The following LCT variants were observed in gnomAD, a reference collection of about 807,000 sequenced individuals.
LCT encodes lactase/phlorizin hydrolase.
In LCT, 90 loss-of-function variants were observed where a neutral mutation model predicts 173.0. That is an observed-to-expected ratio of 0.52 (90% CI 0.44 to 0.62). The LOEUF is 0.62. LCT is among the 20% of genes least tolerant of loss of function. The pLI, the probability that LCT is intolerant of heterozygous loss-of-function variation, is 0.00. For synonymous variants in LCT, 853 were observed against 957.6 expected (o/e 0.89, Z 2.02); for missense variants, 1,864 against 2,431.4 (o/e 0.77, Z 4.91).
chr2:135,799,570 C>G (rs1424291074), intron 12 of LCT, among the ~76,000 whole-genome samples: 1 of 151,942 alleles, frequency 6.6e-6, no homozygotes, highest in African/African-American at 2.4e-5. Flanking sequence ...CTGCCTTAGC[C>G]TCCAGAGTAG....
At position 135,817,773 on chromosome 2, in the gene LCT, C is replaced by T. The variant is rs777422944; in HGVS notation, c.1275G>A (p.Thr425=). ...GGTAACTGTCGCTGGCCACCTCCAG[C>T]GTCGCTTGGCCCTCAGTGGTGTTCA... ...RPLNTTEGQA[T]LEVASDSYHK... is the part of the protein sequence containing the mutation. The change falls in exon 6 of 17, where the codon ACG becomes ACA. Residue 425 remains threonine, a synonymous_variant. Coordinates refer to ENST00000264162, the MANE Select transcript of LCT (RefSeq NM_002299.4). The T allele has an allele frequency of 6.2e-6, 10 of 1,613,846 alleles. No homozygotes were observed. Among genetic ancestry groups the T allele is most frequent in the African/African-American group, 2.7e-5 (2 of 74,930 alleles).
At position 135,804,827 on chromosome 2, in the gene LCT, CG is replaced by C. The variant is rs2077656419; in HGVS notation, c.4403del (p.Ala1468GlyfsTer3). ...TGAGCCTCACGTAGTAGTTCAGGCC[CG>C]CTTCATTGATGTACCTGGTGGTTCC... ...PDGTTRYINE[A>X]GLNYYVRLID... On this transcript the variant is annotated frameshift_variant, in exon 10 of 17. Transcript: ENST00000264162. LOFTEE classifies it high-confidence loss of function. 6.2e-7 allele frequency: 1 copy of C among 1,613,740 alleles called. No homozygotes were observed. Among genetic ancestry groups the C allele is most frequent in the Non-Finnish European group, 8.5e-7 (1 of 1,180,042 alleles).
rs755767001 is a variant in LCT, at chr2:135,812,723, G to A, written c.1941C>T (p.Thr647=). Reference sequence around the variant, plus strand: ...ACTGTCTGTTCATCTGTTGGATCTGGGTCCTCAGGGTGGCTGGGTAGTCTC... The same window carrying A: ...ACTGTCTGTTCATCTGTTGGATCTGAGTCCTCAGGGTGGCTGGGTAGTCTC... The part of the protein sequence containing the change: ...VDGDYPATLR[T]QIQQMNRQCS... Residue 647 remains threonine (T), a synonymous_variant, in exon 7 of 17, where the codon ACC becomes ACT. Coordinates refer to ENST00000264162, the MANE Select transcript of LCT (RefSeq NM_002299.4). 1 of 1,614,194 alleles carries A rather than the reference G, an allele frequency of 6.2e-7. No individual in the cohort carries two copies. Among genetic ancestry groups the A allele is most frequent in the East Asian group, 2.2e-5 (1 of 44,888 alleles).
intron 3 of LCT, among the ~76,000 whole-genome samples, chr2:135,824,657 G>A (rs2077868729): frequency 1.3e-5 from 2 of 152,090 alleles, no homozygotes; most frequent in African/African-American, 4.8e-5. Flanking sequence ...GGCTTCGTAG[G>A]GGTTCATCAT....
chr2:135,816,724 C>G (rs1024144461), intron 6 of LCT, among the ~76,000 whole-genome samples: 2 of 152,212 alleles, frequency 1.3e-5, no homozygotes, highest in Non-Finnish European at 2.9e-5. Context: ...CTGACTTCCA[C>G]CTGGCTACTC....
In LCT at chr2:135,800,708, T is replaced by G. The variant is rs1164743683; in HGVS notation, c.4765A>C (p.Ser1589Arg). The change falls in exon 12 of 17, where the codon AGT becomes CGT. Residue 1589 changes from serine (S) to arginine (R), a missense_variant. By Grantham distance (110) the Ser-to-Arg change is moderately radical. This residue lies in a region of LCT where 514 missense variants were observed against 750.1 expected (regional missense o/e 0.69). Coordinates refer to ENST00000264162, the MANE Select transcript of LCT (RefSeq NM_002299.4). ...WHLYNDVYRA[S>R]QGGVISITIS... ...GTGATGGAAATCACGCCACCTTGAC[T>G]GGCGCGGTACACATCGTTGTACAGA... 6.2e-7 allele frequency: 1 copy of G among 1,614,064 alleles called. No individual in the cohort carries two copies. Among genetic ancestry groups the G allele is most frequent in the Non-Finnish European group, 8.5e-7 (1 of 1,180,032 alleles).
intron 1 of LCT, 81 bp from the exon 2 acceptor site, chr2:135,833,271 C>T: frequency 3.2e-6 from 3 of 933,218 alleles, no homozygotes; most frequent in Non-Finnish European, 3.6e-6. Context: ...GGATTCATTT[C>T]CTATGGACCT....
At position 135,788,687 on chromosome 2, in the gene LCT, T is replaced by G. The variant is rs2105515670; in HGVS notation, c.5564-143A>C. The G allele has an allele frequency of 4.3e-6, 3 of 701,716 alleles. No homozygotes were observed. In the East Asian group the frequency reaches 8.0e-5, roughly 19 times the overall value. The allele number at this position is 701,716 out of a possible 1,614,324, so 43.5% of individuals were successfully genotyped here. A position where few individuals can be genotyped will look rare whatever the true frequency, so the allele number is the denominator to read the frequency against. ...CCGAGGTGGAGGTACCCATCCCCTT[T>G]CACTGTGTGTCAGGAGCCTCTGAGT... On this transcript the variant is annotated intron_variant, in intron 16 of 16. Coordinates refer to ENST00000264162, the MANE Select transcript of LCT (RefSeq NM_002299.4).
chr2:135,834,962 G>A lies in LCT; in HGVS notation c.640+1568C>T, dbSNP rs182835635. 6.6e-5 allele frequency among the ~76,000 whole-genome samples: 10 copies of A among 151,984 alleles called. No individual in the cohort carries two copies. In the East Asian group the frequency reaches 1.2e-3, roughly 18 times the overall value. On this transcript the variant is annotated intron_variant, in intron 1 of 16. Transcript: ENST00000264162. ...TCAGAGAGTAATTTTATAACTGTTC[G>A]TATAAATGATTACAACTTTTCTGGA... is the stretch of plus-strand genomic sequence containing the variant.
rs766984516 is a variant in LCT at position 135,809,318 on chromosome 2, C to T, written c.3029G>A (p.Ser1010Asn). Reference protein sequence around the residue: ...YNRLINGLVASNIFPMVTLFH... With the variant: ...YNRLINGLVANNIFPMVTLFH... ...CAATGTCACCATGGGAAAGATGTTG[C>T]TTGCCACCAAGCCATTGATCAGCCT... is the stretch of plus-strand genomic sequence containing the variant. Residue 1010 changes from serine (S) to asparagine (N), a missense_variant, in exon 8 of 17, where the codon AGC becomes AAC. Coordinates refer to ENST00000264162, the MANE Select transcript of LCT (RefSeq NM_002299.4). The surrounding 1 kb of genome is among the most constrained non-coding windows in gnomAD (Gnocchi z 5.5). The T allele has an allele frequency of 2.5e-6, 4 of 1,614,120 alleles. No individual in the cohort carries two copies. Among genetic ancestry groups the T allele is most frequent in the Non-Finnish European group, 8.5e-7 (1 of 1,180,048 alleles).
intron 5 of LCT, chr2:135,820,651 A>C (rs1558742550): frequency 1.3e-5 from 2 of 152,378 alleles, no homozygotes; most frequent in East Asian, 3.9e-4. Flanking sequence ...TGAGTGACAA[A>C]GAGAACTCTA....
At chr2:135,807,020 T>G (rs1207778357) in intron 9 of LCT, 108 bp downstream of exon 9, 5 of 1,291,642 alleles carry the variant, frequency 3.9e-6, no homozygotes, top group Non-Finnish European at 5.6e-6. Flanking sequence ...CCTCCATGGG[T>G]CTGCTGGAAT....
rs199635720 is a variant in LCT at position 135,817,580 on chromosome 2, C to T, written c.1468G>A (p.Glu490Lys). 31 of 1,613,986 alleles carry T rather than the reference C, an allele frequency of 1.9e-5. No individual in the cohort carries two copies. The highest frequency in any genetic ancestry group is 1.6e-4 in the Middle Eastern group (1 of 6,084). ...CAGTGGAACAGCGTGGCCATGGGCT[C>T]GATGCCCGCATCCTGTAGCCTGTCA... ...LIDRLQDAGIEPMATLFHWDL... is the reference protein window; with the variant it reads ...LIDRLQDAGIKPMATLFHWDL... The change falls in exon 6 of 17, where the codon GAG becomes AAG. Residue 490 changes from glutamate (E) to lysine (K), a missense_variant. Physicochemically the swap from Glu to Lys is moderately conservative, Grantham distance 56. Around this residue, in one of 4 missense-constraint regions of LCT, gnomAD observed 183 missense variants for 293.1 expected, o/e 0.62. Coordinates refer to ENST00000264162, the MANE Select transcript of LCT (RefSeq NM_002299.4).
intron 9 of LCT, among the ~76,000 whole-genome samples, 167 bp from the exon 10 acceptor site, chr2:135,805,224 G>A (rs1382126545): frequency 2.6e-5 from 4 of 152,156 alleles, no homozygotes; most frequent in Non-Finnish European, 5.9e-5. Flanking sequence ...GGCAACCCCA[G>A]CGCTATGGGA....
chr2:135,796,817 G>A (rs1179644659), intron 13 of LCT, among the ~76,000 whole-genome samples: 2 of 152,164 alleles, frequency 1.3e-5, no homozygotes, highest in Admixed American at 1.3e-4. Context: ...AAGTTGTGCA[G>A]ATGGGCCGGG....
At chr2:135,791,665 C>T (rs888705119) in intron 14 of LCT, among the ~76,000 whole-genome samples, 1 of 152,166 alleles carries the variant, frequency 6.6e-6, no homozygotes, top group Admixed American at 6.5e-5. Flanking sequence ...CAGGGACAGC[C>T]CCAGGGCTCA....
rs758941988 is a variant in LCT, at chr2:135,790,632, G to C, written c.5335+26C>G. 6.9e-7 allele frequency: 1 copy of C among 1,457,654 alleles called. No homozygotes were observed. Among genetic ancestry groups the C allele is most frequent in the South Asian group, 1.1e-5 (1 of 87,980 alleles). 90.3% of individuals were successfully genotyped at this position (1,457,654 alleles called of 1,614,324 possible). A position where few individuals can be genotyped will look rare whatever the true frequency, so the allele number is the denominator to read the frequency against. ...ATGTTTCCAACAGGGGAAGGTGCAC[G>C]CTGGGGAAGGGCGGGCCCGTCGTAC... On this transcript the variant is annotated intron_variant, in intron 15 of 16. Coordinates refer to ENST00000264162, the MANE Select transcript of LCT (RefSeq NM_002299.4). The surrounding 1 kb of genome is among the most constrained non-coding windows in gnomAD (Gnocchi z 4.1).
Position 135,817,735 on chromosome 2 carries a change from G to A in LCT, c.1313C>T (p.Ser438Phe), listed in dbSNP as rs976505133. 1 of 1,614,058 alleles carries A rather than the reference G, an allele frequency of 6.2e-7. No homozygotes were observed. Among genetic ancestry groups the A allele is most frequent in the East Asian group, 2.2e-5 (1 of 44,874 alleles). Reference protein sequence around the residue: ...VASDSYHKVASDVALLCGLRA... With the variant: ...VASDSYHKVAFDVALLCGLRA... ...GAGGCCGCAAAGCAGGGCGACGTCA[G>A]AGGCTACCTTGTGGTAACTGTCGCT... The change falls in exon 6 of 17, where the codon TCT becomes TTT. Residue 438 changes from serine to phenylalanine, a missense_variant. Ser to Phe is a radical substitution (Grantham distance 155). Around this residue, in one of 4 missense-constraint regions of LCT, gnomAD observed 183 missense variants for 293.1 expected, o/e 0.62. Coordinates refer to ENST00000264162, the MANE Select transcript of LCT (RefSeq NM_002299.4).
Position 135,790,944 on chromosome 2 carries a change from A to C in LCT, c.5112-63T>G. On this transcript the variant is annotated intron_variant, in intron 14 of 16. Coordinates refer to ENST00000264162, the MANE Select transcript of LCT (RefSeq NM_002299.4). The surrounding 1 kb of genome is among the most constrained non-coding windows in gnomAD (Gnocchi z 4.1). ...TAAATCTCAAGAGGCCCTTTACACGAAACACAAAACAGGACTTAGACCAGG... is the reference window on the plus strand; with the variant it reads ...TAAATCTCAAGAGGCCCTTTACACGCAACACAAAACAGGACTTAGACCAGG... The C allele has an allele frequency of 1.7e-6, 2 of 1,200,656 alleles. No individual in the cohort carries two copies. Among genetic ancestry groups the C allele is most frequent in the Admixed American group, 3.5e-5 (2 of 57,620 alleles). The allele number at this position is 1,200,656 out of a possible 1,614,324, so 74.4% of individuals were successfully genotyped here.
Sources: allele counts gnomAD v4.1 joint callset (sites outside exome capture counted in the v4.1 genomes callset), GRCh38; gene constraint gnomAD v4.1.1; regional missense constraint gnomAD v4.1.1; non-coding constraint Gnocchi (gnomAD v3.1); transcripts MANE v1.5; gene names NCBI Gene and HGNC (gene_info 2026-07-23, HGNC 2026-07-21).